TFRC: variants seen among roughly 807,000 people sequenced by gnomAD.
TFRC encodes transferrin receptor, also known as transferrin receptor protein 1.
A neutral mutation model predicts 85.8 loss-of-function variants in TFRC; 35 were observed. That is an observed-to-expected ratio of 0.41 (90% confidence interval 0.31 to 0.54). The LOEUF is 0.54. Among genes scored for constraint, TFRC ranks in the 20% least tolerant of loss-of-function variants. The pLI, the probability that TFRC is intolerant of heterozygous loss-of-function variation, is 0.31. For missense variants in TFRC, 828 were observed against 921.5 expected, an observed-to-expected ratio of 0.90 and a Z score of 1.31; for synonymous variants, 362 against 328.6, an observed-to-expected ratio of 1.10 and a Z score of -1.10.
intron 13 of TFRC, 26 bp downstream of exon 13, chr3:196,062,556 A>T (rs773417963): frequency 6.3e-7 from 1 of 1,594,038 alleles, no homozygotes; most frequent in South Asian, 1.1e-5. Context: ...CTGAATTCAT[A>T]CACAGCTAAT....
intron 1 of TFRC, among the ~76,000 whole-genome samples, chr3:196,078,687 C>T (rs568673382): frequency 1.3e-5 from 2 of 151,966 alleles, no homozygotes; most frequent in East Asian, 1.9e-4. Flanking sequence ...AAAGAAAAAG[C>T]TCTAAAACCT....
chr3:196,077,148 G>A, intron 1 of TFRC, 26 bp from the exon 2 acceptor site: 1 of 1,561,460 alleles, frequency 6.4e-7, no homozygotes, highest in Non-Finnish European at 8.8e-7. Flanking sequence ...GAGAATTATT[G>A]AGAAAGATAC....
intron 3 of TFRC, 132 bp downstream of exon 3, chr3:196,075,025 AAG>A: frequency 1.2e-6 from 1 of 836,758 alleles, no homozygotes; most frequent in South Asian, 1.9e-5. Context: ...TAGCCTAGGC[AAG>A]AGAGTAAGCC....
Position 196,058,322 on chromosome 3 carries a change from A to G in TFRC, c.1639T>C (p.Tyr547His), listed in dbSNP as rs1281592588. The G allele has an allele frequency of 6.2e-7, 1 of 1,614,142 alleles. No homozygotes were observed. The highest frequency in any genetic ancestry group is 2.2e-5 in the East Asian group (1 of 44,870). The stretch of plus-strand genomic sequence containing the variant: ...AAAGAAACTGCTGGGATTCCAGAAT[A>G]TGCAAGGAAAGGGAAAGCAGCATTG... ...LDNAAFPFLAYSGIPAVSFCF... is the reference protein window; with the variant it reads ...LDNAAFPFLAHSGIPAVSFCF... Residue 547 changes from tyrosine (Y) to histidine (H), a missense_variant, in exon 16 of 19, where the codon TAT (tyrosine) becomes CAT (histidine). Tyr to His is a moderately conservative substitution (Grantham distance 83, BLOSUM62 2). Coordinates refer to ENST00000360110, the MANE Select transcript of TFRC (RefSeq NM_001128148.3).
chr3:196,052,730 T>C (rs1468181967), intron 18 of TFRC, among the ~76,000 whole-genome samples: 5 of 151,798 alleles, frequency 3.3e-5, no homozygotes, highest in African/African-American at 9.7e-5. Context: ...CATGAGCCAC[T>C]GTACCCAGCC....
intron 13 of TFRC, chr3:196,060,747 G>A (rs1577226873): frequency 7.0e-6 from 1 of 142,436 alleles, no homozygotes; most frequent in Non-Finnish European, 1.5e-5. Context: ...GCAGTGAGCT[G>A]GGATGGCGCC....
chr3:196,081,296 G>A (rs1264392836), intron 1 of TFRC, among the ~76,000 whole-genome samples: 2 of 152,202 alleles, frequency 1.3e-5, no homozygotes, highest in Non-Finnish European at 2.9e-5. Flanking sequence ...ATTCTGCCTT[G>A]AGAAAACAGA....
At position 196,051,770 on chromosome 3, in the gene TFRC, G is replaced by T. The variant is rs920647244; in HGVS notation, c.*172C>A. 7.4e-6 allele frequency: 5 copies of T among 675,342 alleles called. No individual in the cohort carries two copies. In the African/African-American group the frequency reaches 9.0e-5, roughly 12 times the overall value. 41.8% of individuals were successfully genotyped at this position (675,342 alleles called of 1,614,324 possible). On this transcript the variant is annotated 3_prime_UTR_variant, in exon 19 of 19. Coordinates refer to ENST00000360110, the MANE Select transcript of TFRC (RefSeq NM_001128148.3). ...GTTATTCACTTTAACTTGAAGTACA[G>T]GTTATCTACCCTGTATTAAAAGCTG...
chr3:196,057,895 T>C (rs1716946542), intron 16 of TFRC: 1 of 153,156 alleles, frequency 6.5e-6, no homozygotes, highest in African/African-American at 2.4e-5. Context: ...AATGCAACCC[T>C]GAAGAGAAGG....
rs913553156 is a variant in TFRC at position 196,051,655 on chromosome 3, TAAC to T, written c.*284_*286del. On this transcript the variant is annotated 3_prime_UTR_variant, in exon 19 of 19. Coordinates refer to ENST00000360110, the MANE Select transcript of TFRC (RefSeq NM_001128148.3). ...CATAACTGGTTTCTGACATTTTCAT[TAAC>T]AACAACAGGAAAGAGGCAGTTCCCA... 3.0e-5 allele frequency: 11 copies of T among 372,236 alleles called. No homozygotes were observed. The highest frequency in any genetic ancestry group is 7.4e-4 in the Middle Eastern group (1 of 1,356). The allele number at this position is 372,236 out of a possible 1,614,324, so 23.1% of individuals were successfully genotyped here.
chr3:196,074,007 T>A lies in TFRC; in HGVS notation c.357A>T (p.Ala119=), dbSNP rs1286792406. ...REEPGEDFPA[A]RRLYWDDLKR... ...TCAGGTCATCCCAATATAAGCGACG[T>A]GCTGCAGGGAAGTCCTCTCCTGGCT... is the stretch of plus-strand genomic sequence containing the variant. Residue 119 remains alanine, a synonymous_variant, in exon 4 of 19, where the codon GCA becomes GCT. Transcript: ENST00000360110. The A allele has an allele frequency of 1.9e-6, 3 of 1,614,082 alleles. No individual in the cohort carries two copies. The highest frequency in any genetic ancestry group is 2.5e-6 in the Non-Finnish European group (3 of 1,180,046).
chr3:196,076,211 G>T (rs1671607160), intron 2 of TFRC, among the ~76,000 whole-genome samples: 4 of 152,162 alleles, frequency 2.6e-5, no homozygotes, highest in Admixed American at 2.6e-4. Context: ...TAGACAGAGT[G>T]TTAAGAGTTA....
intron 16 of TFRC, 155 bp downstream of exon 16, chr3:196,058,129 A>G: frequency 3.7e-6 from 2 of 543,490 alleles, no homozygotes; most frequent in South Asian, 6.3e-5. Context: ...AATCCTCGTC[A>G]TTTGTCCTTA....
Position 196,067,586 on chromosome 3 carries a change from A to T in TFRC, c.972T>A (p.Ser324=), listed in dbSNP as rs772549435. ...PSFNHTQFPP[S]RSSGLPNIPV... ...GTATATTAGGCAATCCTGATGACCGAGATGGTGGAAACTGAGTGTGATTGA... is the reference window on the plus strand; with the variant it reads ...GTATATTAGGCAATCCTGATGACCGTGATGGTGGAAACTGAGTGTGATTGA... Residue 324 remains serine, a synonymous_variant, in exon 9 of 19, where the codon TCT becomes TCA. Transcript: ENST00000360110. 4 of 1,614,194 alleles carry T rather than the reference A, an allele frequency of 2.5e-6. No individual in the cohort carries two copies. The highest frequency in any genetic ancestry group is 3.4e-6 in the Non-Finnish European group (4 of 1,180,024).
Position 196,050,397 on chromosome 3 carries a change from T to C in TFRC, c.*1545A>G, listed in dbSNP as rs368558562. The stretch of plus-strand genomic sequence containing the variant: ...ACTAAAACTAAAAGATAGGGAATTA[T>C]AGGAGTTGGGATACATGTTAGATAC... On this transcript the variant is annotated 3_prime_UTR_variant, in exon 19 of 19. Transcript: ENST00000360110. The C allele has an allele frequency of 5.4e-4, 115 of 211,752 alleles. No homozygotes were observed. Among genetic ancestry groups the C allele is most frequent in the African/African-American group, 2.4e-3 (105 of 44,306 alleles). 13.1% of individuals were successfully genotyped at this position (211,752 alleles called of 1,614,324 possible). A position where few individuals can be genotyped will look rare whatever the true frequency, so the allele number is the denominator to read the frequency against.
chr3:196,058,286 C>T lies in TFRC; in HGVS notation c.1675G>A (p.Glu559Lys). 1 of 1,613,438 alleles carries T rather than the reference C, an allele frequency of 6.2e-7. No homozygotes were observed. The highest frequency in any genetic ancestry group is 1.3e-5 in the African/African-American group (1 of 74,956). Reference sequence around the variant, plus strand: ...GTCATTTAAATGAACAGACTTACCTCGCAAAAACAGAAAGAAACTGCTGGG... The same window carrying T: ...GTCATTTAAATGAACAGACTTACCTTGCAAAAACAGAAAGAAACTGCTGGG... ...GIPAVSFCFC[E>K]DTDYPYLGTT... Residue 559 changes from glutamate to lysine, a missense_variant and splice_region_variant, in exon 16 of 19, where the codon GAG becomes AAG. Physicochemically the swap from Glu to Lys is moderately conservative, Grantham distance 56. Transcript: ENST00000360110.
At chr3:196,073,493 CT>C (rs1718403031) in intron 4 of TFRC, among the ~76,000 whole-genome samples, 1 of 151,956 alleles carries the variant, frequency 6.6e-6, no homozygotes, top group Non-Finnish European at 1.5e-5. Flanking sequence ...TTAAGAAGCA[CT>C]AGAGACTTAA....
chr3:196,056,452 T>C (rs1459840966), intron 16 of TFRC, among the ~76,000 whole-genome samples: 1 of 152,210 alleles, frequency 6.6e-6, no homozygotes, highest in Admixed American at 6.5e-5. Context: ...CAGGCTAGAG[T>C]GCAATGGCAC....
chr3:196,052,968 G>A (rs984015920), intron 18 of TFRC, among the ~76,000 whole-genome samples: 3 of 151,928 alleles, frequency 2.0e-5, no homozygotes, highest in Non-Finnish European at 4.4e-5. Flanking sequence ...CAAAAAATGA[G>A]CCGGGCGTGG....
Sources: allele counts gnomAD v4.1 joint callset (sites outside exome capture counted in the v4.1 genomes callset), GRCh38; gene constraint gnomAD v4.1.1; transcripts MANE v1.5; gene names NCBI Gene and HGNC (gene_info 2026-07-23, HGNC 2026-07-21).